The following UBR2 variants were observed in gnomAD, a reference collection of about 807,000 sequenced individuals.
UBR2 encodes ubiquitin protein ligase E3 component n-recognin 2.
Under a neutral mutation model 247.9 loss-of-function variants are expected in UBR2, and 92 were observed. The ratio of observed to expected loss-of-function variants is 0.37; its 90% CI spans 0.31 to 0.44. UBR2 has a LOEUF of 0.44. Among genes scored for constraint, UBR2 ranks in the 20% least tolerant of loss-of-function variants. UBR2 has a pLI of 1.00. For synonymous variants in UBR2, 672 were observed against 693.5 expected (o/e 0.97, Z 0.49); for missense variants, 1,613 against 2,112.6 (o/e 0.76, Z 4.64).
intron 3 of UBR2, among the ~76,000 whole-genome samples, 169 bp downstream of exon 3, chr6:42,592,398 A>C (rs554897178): frequency 6.6e-6 from 1 of 152,314 alleles, no homozygotes; most frequent in East Asian, 1.9e-4. Context: ...GAAACAAATT[A>C]TGAATCCACA....
At chr6:42,616,501 G>C (rs573230022) in intron 10 of UBR2, among the ~76,000 whole-genome samples, 1 of 151,580 alleles carries the variant, frequency 6.6e-6, no homozygotes, top group African/African-American at 2.4e-5. Context: ...AAAAAAAATA[G>C]ATTTTTTTTT....
At chr6:42,629,438 G>C (rs572736082) in intron 11 of UBR2, among the ~76,000 whole-genome samples, 1 of 152,270 alleles carries the variant, frequency 6.6e-6, no homozygotes, top group East Asian at 1.9e-4. Context: ...CAGATCACTT[G>C]AGGTCAAGAC....
At chr6:42,634,153 G>A (rs1795940845) in intron 13 of UBR2, 1 of 178,660 alleles carries the variant, frequency 5.6e-6, no homozygotes, top group Non-Finnish European at 1.2e-5. Flanking sequence ...TTTTGATTTT[G>A]CTTTTTAATG....
chr6:42,598,566 T>C (rs1350060735), intron 4 of UBR2, among the ~76,000 whole-genome samples: 2 of 152,154 alleles, frequency 1.3e-5, no homozygotes, highest in African/African-American at 4.8e-5. Context: ...AAATGGCCCC[T>C]TGGGGTGTGG....
intron 11 of UBR2, among the ~76,000 whole-genome samples, chr6:42,627,585 C>A (rs1462730193): frequency 6.6e-6 from 1 of 152,086 alleles, no homozygotes. Context: ...GCAGCCTCGA[C>A]CACCCAAATT....
At chr6:42,621,652 G>T (rs1341744861) in intron 11 of UBR2, among the ~76,000 whole-genome samples, 3 of 151,946 alleles carry the variant, frequency 2.0e-5, no homozygotes, top group African/African-American at 7.3e-5. Flanking sequence ...AGTAGAGATG[G>T]GGTTTTGCCA....
rs1363933204 is a variant in UBR2 at position 42,671,422 on chromosome 6, AAAGAAG to A, written c.4086+717_4086+722del. Among the ~76,000 whole-genome samples, 335 of 151,524 alleles carry A rather than the reference AAAGAAG, an allele frequency of 2.2e-3. 1 individual carries two copies. Among genetic ancestry groups the A allele is most frequent in the African/African-American group, 7.7e-3 (319 of 41,306 alleles). ...AAGATCCTATCTTTAAAAAAAAAAA[AAAGAAG>A]AAGAAGAAGCAGAAGAATGTATATT... On this transcript the variant is annotated intron_variant, in intron 36 of 46. Coordinates refer to ENST00000372901, the MANE Select transcript of UBR2 (RefSeq NM_001363705.2).
chr6:42,652,186 C>A, intron 24 of UBR2, 115 bp downstream of exon 24: 1 of 1,034,206 alleles, frequency 9.7e-7, no homozygotes, highest in Non-Finnish European at 1.4e-6. Context: ...GTAAGCTTTC[C>A]TAGTGAATAA....
In UBR2 at chr6:42,632,954, TTC is replaced by T. The variant is rs201017818; in HGVS notation, c.1545+54_1545+55del. On this transcript the variant is annotated intron_variant, in intron 13 of 46. Transcript: ENST00000372901. ...CTTTTTCCTTTTTTTTTTTTCTCTT[TTC>T]TCTTTTTTTTTTTTTTTTTAATTTT... 3.8e-6 allele frequency: 4 copies of T among 1,052,272 alleles called. No individual in the cohort carries two copies. The South Asian group carries it at 6.2e-5, about 16-fold the overall frequency. 65.2% of individuals were successfully genotyped at this position (1,052,272 alleles called of 1,614,324 possible). A position where few individuals can be genotyped will look rare whatever the true frequency, so the allele number is the denominator to read the frequency against.
chr6:42,576,860 G>C (rs563756677), intron 2 of UBR2, among the ~76,000 whole-genome samples: 1 of 152,190 alleles, frequency 6.6e-6, no homozygotes, highest in South Asian at 2.1e-4. Flanking sequence ...AGTAAGCCTT[G>C]TTCTAGGATG....
intron 2 of UBR2, among the ~76,000 whole-genome samples, chr6:42,584,509 T>C (rs1792129078): frequency 6.6e-6 from 1 of 152,216 alleles, no homozygotes; most frequent in Non-Finnish European, 1.5e-5. Flanking sequence ...GTCTTTTGCA[T>C]TTTATAAATT....
At chr6:42,637,223 T>G (rs1428705171) in intron 15 of UBR2, 29 bp downstream of exon 15, 2 of 1,589,414 alleles carry the variant, frequency 1.3e-6, no homozygotes, top group South Asian at 2.3e-5. Context: ...AATAAAACCC[T>G]AAAATTATCT....
chr6:42,564,502 A>T, intron 1 of UBR2, 105 bp downstream of exon 1: 5 of 1,316,988 alleles, frequency 3.8e-6, no homozygotes, highest in Non-Finnish European at 4.2e-6. Context: ...AGACTTGGGG[A>T]AACAGCTGTG....
At chr6:42,675,697 C>G (rs554776856) in intron 38 of UBR2, among the ~76,000 whole-genome samples, 2 of 152,150 alleles carry the variant, frequency 1.3e-5, no homozygotes, top group African/African-American at 4.8e-5. Flanking sequence ...CGGTGGCTCA[C>G]GCCTGTAATC....
chr6:42,578,401 T>G (rs1268657361), intron 2 of UBR2, among the ~76,000 whole-genome samples: 1 of 152,108 alleles, frequency 6.6e-6, no homozygotes, highest in Non-Finnish European at 1.5e-5. Context: ...AATGCCTCTA[T>G]CCAGCAACAG....
chr6:42,620,836 G>A (rs573995401), intron 11 of UBR2, among the ~76,000 whole-genome samples: 5 of 147,424 alleles, frequency 3.4e-5, no homozygotes, highest in African/African-American at 1.0e-4. Context: ...ACGGAGTCTC[G>A]CTCTGTCACC....
intron 4 of UBR2, among the ~76,000 whole-genome samples, chr6:42,598,592 G>A (rs1215924622): frequency 6.6e-6 from 1 of 152,210 alleles, no homozygotes; most frequent in Non-Finnish European, 1.5e-5. Context: ...AGTAGGGAGG[G>A]TGGTGAGATG....
At position 42,619,453 on chromosome 6, in the gene UBR2, A is replaced by ATTTTTTTTTT. The variant is rs1554251969; in HGVS notation, c.1281+1949_1281+1958dup. The ATTTTTTTTTT allele has an allele frequency of 2.9e-4, 7 of 23,848 alleles. 1 individual carries two copies. The East Asian group carries it at 4.9e-3, about 17-fold the overall frequency. The allele number at this position is 23,848 out of a possible 1,614,324, so 1.5% of individuals were successfully genotyped here. A position where few individuals can be genotyped will look rare whatever the true frequency, so the allele number is the denominator to read the frequency against. On this transcript the variant is annotated intron_variant, in intron 11 of 46. Coordinates refer to ENST00000372901, the MANE Select transcript of UBR2 (RefSeq NM_001363705.2). ...TATATATATATATATATATATATAT[A>ATTTTTTTTTT]TTTTTTTTTTTTAGTTCTCTATCTC... is the stretch of plus-strand genomic sequence containing the variant.
chr6:42,652,779 C>G (rs1038210331), intron 25 of UBR2, 134 bp downstream of exon 25: 106 of 834,182 alleles, frequency 1.3e-4, no homozygotes, highest in South Asian at 2.9e-4. Context: ...ATTGTTACTG[C>G]TTTTGTGTCT....
Sources: gnomAD v4.1 joint callset for allele counts (sites outside exome capture counted in the v4.1 genomes callset) on GRCh38, gnomAD v4.1.1 for gene constraint, MANE v1.5 for transcripts, NCBI Gene and HGNC (gene_info 2026-07-23, HGNC 2026-07-21) for gene names.